Variants in PCDH7 observed in about 807,000 individuals in gnomAD.
PCDH7 encodes protocadherin 7, also known as protocadherin-7.
Under a neutral mutation model 58.9 loss-of-function variants are expected in PCDH7, and 17 were observed. The observed-to-expected ratio is 0.29, with a 90% CI of 0.20 to 0.43. The LOEUF is 0.43. PCDH7 is among the 20% of genes least tolerant of loss of function. PCDH7 has a pLI of 1.00. For missense variants in PCDH7, 1,274 were observed against 1,441.0 expected (o/e 0.88, Z 1.88); for synonymous variants, 664 against 616.4 (o/e 1.08, Z -1.14).
intron 3 of PCDH7, among the ~76,000 whole-genome samples, chr4:31,097,635 T>TATATATATATATAA (rs1560221934): frequency 2.2e-5 from 1 of 45,698 alleles, no homozygotes; most frequent in Non-Finnish European, 3.7e-5. Context: ...TATATATATA[T>TATATATATATATAA]ATAAATCTTT....
At chr4:30,829,474 G>A (rs927981630) in intron 1 of PCDH7, among the ~76,000 whole-genome samples, 1 of 152,098 alleles carries the variant, frequency 6.6e-6, no homozygotes, top group African/African-American at 2.4e-5. Flanking sequence ...AAGGCTGGAG[G>A]GAAAATCTCT....
rs1723451398 is a variant in PCDH7, at chr4:30,786,776, G to A, written c.70+62180G>A. 5 of 982,106 alleles carry A rather than the reference G, an allele frequency of 5.1e-6. No individual in the cohort carries two copies. In the Admixed American group the frequency reaches 3.1e-4, roughly 61 times the overall value. The allele number at this position is 982,106 out of a possible 1,614,324, so 60.8% of individuals were successfully genotyped here. On this transcript the variant is annotated intron_variant, in intron 1 of 3. Transcript: ENST00000509759. ...CCCTCTGGCCACATTGAGGAATCGT[G>A]TAAAATGAATGTATGTGCTCGTAAG...
At chr4:30,850,620 A>G (rs926453397) in intron 1 of PCDH7, among the ~76,000 whole-genome samples, 1 of 152,026 alleles carries the variant, frequency 6.6e-6, no homozygotes. Context: ...CATGCTTCAC[A>G]GAAGTTGTTT....
chr4:30,951,840 C>G (rs756706648), intron 3 of PCDH7, among the ~76,000 whole-genome samples: 1 of 152,116 alleles, frequency 6.6e-6, no homozygotes, highest in Non-Finnish European at 1.5e-5. Context: ...TCATTTCTCC[C>G]CAGGAAAGCA....
intron 3 of PCDH7, among the ~76,000 whole-genome samples, chr4:31,033,231 T>A (rs1755109358): frequency 6.6e-6 from 1 of 152,192 alleles, no homozygotes; most frequent in Admixed American, 6.5e-5. Flanking sequence ...ACGGATGGTA[T>A]CTTACAGCAA....
intron 3 of PCDH7, among the ~76,000 whole-genome samples, chr4:30,964,065 A>G (rs1200395927): frequency 6.6e-6 from 1 of 152,146 alleles, no homozygotes; most frequent in Non-Finnish European, 1.5e-5. Flanking sequence ...GTCTATTGGC[A>G]TTGAACTGTC....
intron 1 of PCDH7, among the ~76,000 whole-genome samples, chr4:30,841,986 T>C (rs913086167): frequency 1.3e-5 from 2 of 152,028 alleles, no homozygotes; most frequent in Non-Finnish European, 2.9e-5. Flanking sequence ...GAATGTTGAG[T>C]CTGAGAACAT....
rs536900371 is a variant in PCDH7, at chr4:30,976,641, C to T, written c.*7+26426C>T. On this transcript the variant is annotated intron_variant, in intron 3 of 3. Transcript: ENST00000509759. The stretch of plus-strand genomic sequence containing the variant: ...GTCTCAAATTCCTGACCTCGTGATC[C>T]GCCCACCTCGGCCTCCCAAAGTGCT... 3.0e-3 allele frequency among the ~76,000 whole-genome samples: 461 copies of T among 152,036 alleles called. 3 individuals are homozygous for T. The highest frequency in any genetic ancestry group is 0.01 in the African/African-American group (426 of 41,460).
intron 3 of PCDH7, among the ~76,000 whole-genome samples, chr4:31,084,723 G>A (rs1207533110): frequency 4.1e-5 from 4 of 98,744 alleles, no homozygotes; most frequent in Non-Finnish European, 6.2e-5. Context: ...GGGGAGGGGA[G>A]AAGAGGGGAG....
chr4:30,922,642 A>T (rs1468088135), intron 2 of PCDH7, among the ~76,000 whole-genome samples: 1 of 152,156 alleles, frequency 6.6e-6, no homozygotes, highest in Non-Finnish European at 1.5e-5. Context: ...AACGACTTTT[A>T]ATTCTTTTTT....
At position 30,981,121 on chromosome 4, in the gene PCDH7, C is replaced by A. The variant is rs192293259; in HGVS notation, c.*7+30906C>A. ...CCTCCCAAAGTGCTGGGATTAAAGG[C>A]GTGAGGCACTGCGCCTGGCCTATTT... On this transcript the variant is annotated intron_variant, in intron 3 of 3. Transcript: ENST00000509759. Among the ~76,000 whole-genome samples the A allele has an allele frequency of 2.0e-4, 31 of 152,294 alleles. No individual in the cohort carries two copies. The East Asian group carries it at 5.4e-3, about 27-fold the overall frequency.
intron 3 of PCDH7, among the ~76,000 whole-genome samples, chr4:30,972,278 G>C (rs1231485962): frequency 2.0e-5 from 3 of 152,074 alleles, no homozygotes; most frequent in African/African-American, 7.2e-5. Context: ...ATTTAACATA[G>C]TGTTTTTTTT....
chr4:31,055,822 C>G (rs566960215), intron 3 of PCDH7, among the ~76,000 whole-genome samples: 1 of 152,116 alleles, frequency 6.6e-6, no homozygotes, highest in South Asian at 2.1e-4. Flanking sequence ...AATGATCCAC[C>G]CACCTCGGCC....
intron 1 of PCDH7, among the ~76,000 whole-genome samples, chr4:30,883,909 A>G (rs1737332567): frequency 6.6e-6 from 1 of 152,208 alleles, no homozygotes. Flanking sequence ...TGAAGTGAAC[A>G]TTGAGGTAAC....
intron 3 of PCDH7, among the ~76,000 whole-genome samples, chr4:31,128,360 A>T (rs1718570058): frequency 6.6e-6 from 1 of 152,110 alleles, no homozygotes; most frequent in African/African-American, 2.4e-5. Flanking sequence ...TGAGGCAGAT[A>T]AAATTTGTCA....
chr4:31,038,545 A>T (rs1236945791), intron 3 of PCDH7, among the ~76,000 whole-genome samples: 1 of 152,148 alleles, frequency 6.6e-6, no homozygotes, highest in Non-Finnish European at 1.5e-5. Flanking sequence ...TTTCATTATA[A>T]TTTTAATGAA....
chr4:30,912,808 G>C (rs981377393), intron 1 of PCDH7, among the ~76,000 whole-genome samples: 12 of 152,242 alleles, frequency 7.9e-5, no homozygotes, highest in African/African-American at 2.9e-4. Flanking sequence ...CAAGGGGAAA[G>C]CATCTGCACT....
intron 1 of PCDH7, among the ~76,000 whole-genome samples, chr4:30,730,147 A>G (rs955155579): frequency 2.6e-5 from 4 of 151,712 alleles, no homozygotes; most frequent in African/African-American, 9.7e-5. Flanking sequence ...TAAATATATA[A>G]CATGACTTTG....
chr4:30,809,870 T>A (rs1290840335), intron 1 of PCDH7, among the ~76,000 whole-genome samples: 2 of 152,244 alleles, frequency 1.3e-5, no homozygotes, highest in Non-Finnish European at 2.9e-5. Flanking sequence ...CCCAGTGCTA[T>A]AGCACCTTTT....
Sources: allele counts gnomAD v4.1 joint callset (sites outside exome capture counted in the v4.1 genomes callset), GRCh38; gene constraint gnomAD v4.1.1; transcripts MANE v1.5; gene names NCBI Gene and HGNC (gene_info 2026-07-23, HGNC 2026-07-21).